The following UBR2 variants were observed in gnomAD, a reference collection of about 807,000 sequenced individuals.
UBR2 encodes the protein E3 ubiquitin-protein ligase UBR2.
A neutral mutation model predicts 247.9 loss-of-function variants in UBR2; 92 were observed. The observed-to-expected ratio is 0.37, with a 90% CI of 0.31 to 0.44. The LOEUF is 0.44. Among genes scored for constraint, UBR2 ranks in the 20% least tolerant of loss-of-function variants. UBR2 has a pLI of 1.00. For missense variants in UBR2, 1,613 were observed against 2,112.6 expected (o/e 0.76, Z 4.64); for synonymous variants, 672 against 693.5 (o/e 0.97, Z 0.49).
At position 42,632,564 on chromosome 6, in the gene UBR2, A is replaced by G. The variant is rs770149016; in HGVS notation, c.1294A>G (p.Ile432Val). ...ACTTTGTTTTTAGGCTCGAATGCTC[A>G]TCACAGAAGAAAACTTAATGAGCAT... is the stretch of plus-strand genomic sequence containing the variant. ...FTVPSLARML[I>V]TEENLMSIII... The change falls in exon 12 of 47, where the codon ATC becomes GTC. Residue 432 changes from isoleucine to valine, a missense_variant. By Grantham distance (29) the Ile-to-Val change is conservative. Coordinates refer to ENST00000372901, the MANE Select transcript of UBR2 (RefSeq NM_001363705.2). 1.4e-5 allele frequency: 22 copies of G among 1,606,138 alleles called. No homozygotes were observed. The highest frequency in any genetic ancestry group is 2.7e-5 in the African/African-American group (2 of 74,450).
Position 42,682,764 on chromosome 6 carries a change from T to G in UBR2, c.4719-291T>G, listed in dbSNP as rs991411660. Among the ~76,000 whole-genome samples, 6 of 152,196 alleles carry G rather than the reference T, an allele frequency of 3.9e-5. No homozygotes were observed. In the South Asian group the frequency reaches 8.3e-4, roughly 21 times the overall value. ...TGTTCTAGCTCCAGATAATGTTAGCTTGGCATTAATACAAATTAATATAGA... is the reference window on the plus strand; with the variant it reads ...TGTTCTAGCTCCAGATAATGTTAGCGTGGCATTAATACAAATTAATATAGA... On this transcript the variant is annotated intron_variant, in intron 42 of 46. Transcript: ENST00000372901.
At chr6:42,582,959 C>T (rs1350445578) in intron 2 of UBR2, among the ~76,000 whole-genome samples, 1 of 151,976 alleles carries the variant, frequency 6.6e-6, no homozygotes, top group Non-Finnish European at 1.5e-5. Context: ...TCCAGCTTCT[C>T]TTGTGAAGTT....
At chr6:42,650,461 GC>G in intron 23 of UBR2, 75 bp downstream of exon 23, 2 of 1,289,442 alleles carry the variant, frequency 1.6e-6, no homozygotes, top group Non-Finnish European at 1.1e-6. Context: ...TCACCATGTT[GC>G]CCAGGCTAGA....
At chr6:42,613,655 C>T (rs550216334) in intron 8 of UBR2, among the ~76,000 whole-genome samples, 11 of 152,056 alleles carry the variant, frequency 7.2e-5, no homozygotes, top group Admixed American at 6.5e-4. Flanking sequence ...TACCTGCATG[C>T]CAAGTGTTGT....
intron 11 of UBR2, among the ~76,000 whole-genome samples, chr6:42,629,701 A>G (rs1795581173): frequency 1.3e-5 from 2 of 152,146 alleles, no homozygotes; most frequent in Admixed American, 1.3e-4. Context: ...AAGTACAAGA[A>G]ATATATACCA....
intron 25 of UBR2, 21 bp downstream of exon 25, chr6:42,652,666 T>C: frequency 1.3e-6 from 2 of 1,592,976 alleles, no homozygotes; most frequent in Non-Finnish European, 1.7e-6. Context: ...AGACATTTAT[T>C]ATTTATATTT....
rs557598283 is a variant in UBR2 at position 42,630,764 on chromosome 6, T to G, written c.1282-1788T>G. ...TATATTAGAATACAGTTTTAATATA[T>G]TCTTAGACTTCTGTCTTCTGCATTT... On this transcript the variant is annotated intron_variant, in intron 11 of 46. Coordinates refer to ENST00000372901, the MANE Select transcript of UBR2 (RefSeq NM_001363705.2). Among the ~76,000 whole-genome samples the G allele has an allele frequency of 3.9e-5, 6 of 152,316 alleles. No homozygotes were observed. In the South Asian group the frequency reaches 1.2e-3, roughly 32 times the overall value.
intron 38 of UBR2, among the ~76,000 whole-genome samples, chr6:42,675,395 A>G (rs1798663801): frequency 6.6e-6 from 1 of 152,220 alleles, no homozygotes; most frequent in Admixed American, 6.5e-5. Flanking sequence ...AGGAGGAGGT[A>G]GGATTCATAT....
intron 21 of UBR2, among the ~76,000 whole-genome samples, chr6:42,647,888 A>C (rs774221745): frequency 1.3e-5 from 2 of 152,164 alleles, no homozygotes; most frequent in Non-Finnish European, 2.9e-5. Flanking sequence ...AGTTTTATCT[A>C]TTTTATGTAT....
intron 20 of UBR2, among the ~76,000 whole-genome samples, 181 bp downstream of exon 20, chr6:42,644,717 C>G (rs1469457869): frequency 6.6e-6 from 1 of 151,966 alleles, no homozygotes; most frequent in East Asian, 1.9e-4. Flanking sequence ...GTAATAGCAC[C>G]GTGGTGCTTT....
chr6:42,570,775 C>T (rs1791073309), intron 1 of UBR2, among the ~76,000 whole-genome samples: 1 of 151,884 alleles, frequency 6.6e-6, no homozygotes, highest in Non-Finnish European at 1.5e-5. Context: ...CCTCAACCTC[C>T]GGGGCTCAGG....
intron 17 of UBR2, 84 bp downstream of exon 17, chr6:42,641,776 T>A: frequency 9.4e-7 from 1 of 1,062,898 alleles, no homozygotes; most frequent in Non-Finnish European, 1.4e-6. Flanking sequence ...ACTTAGTCAG[T>A]GAAAGCTGAG....
chr6:42,674,982 G>C (rs1798639818), intron 38 of UBR2, among the ~76,000 whole-genome samples: 1 of 152,100 alleles, frequency 6.6e-6, no homozygotes. Flanking sequence ...CCTCAACTGG[G>C]TTCCCTTGCA....
chr6:42,601,906 G>GCACA lies in UBR2; in HGVS notation c.532-1682_532-1681insCACA, dbSNP rs755803239. Among the ~76,000 whole-genome samples, 164 of 68,150 alleles carry GCACA rather than the reference G, an allele frequency of 2.4e-3. 2 individuals are homozygous for GCACA. The highest frequency in any genetic ancestry group is 0.011 in the Middle Eastern group (1 of 88). The allele number at this position is 68,150 out of a possible 152,430, so 44.7% of individuals were successfully genotyped here. A position where few individuals can be genotyped will look rare whatever the true frequency, so the allele number is the denominator to read the frequency against. The stretch of plus-strand genomic sequence containing the variant: ...TTTTTTTTTGATGGAGTTTTGCTCT[G>GCACA]TTGCCCAGGCTGGAGTACAGTGGCA... On this transcript the variant is annotated intron_variant, in intron 4 of 46. Transcript: ENST00000372901.
intron 44 of UBR2, 128 bp downstream of exon 44, chr6:42,684,999 A>G: frequency 1.4e-6 from 1 of 714,014 alleles, no homozygotes; most frequent in Non-Finnish European, 2.2e-6. Context: ...TTATGAGAGG[A>G]GAGGGAGAAA....
At chr6:42,585,665 T>A (rs1792204767) in intron 2 of UBR2, among the ~76,000 whole-genome samples, 2 of 152,194 alleles carry the variant, frequency 1.3e-5, no homozygotes, top group Non-Finnish European at 1.5e-5. Flanking sequence ...GTTTTGGCAC[T>A]ATATATTTTT....
At chr6:42,572,079 ACC>A (rs1791184114) in intron 1 of UBR2, among the ~76,000 whole-genome samples, 1 of 151,938 alleles carries the variant, frequency 6.6e-6, no homozygotes, top group Non-Finnish European at 1.5e-5. Flanking sequence ...TTTTTCCCTA[ACC>A]ACTTGGCCAC....
chr6:42,678,737 C>A (rs1562395474), intron 41 of UBR2, 68 bp downstream of exon 41: 7 of 1,519,928 alleles, frequency 4.6e-6, no homozygotes, highest in Non-Finnish European at 6.2e-6. Context: ...ATATAAAGAT[C>A]ACTTGCAAAA....
At position 42,646,840 on chromosome 6, in the gene UBR2, G is replaced by T. The variant is rs865792338; in HGVS notation, c.2409+1250G>T. 4.5e-3 allele frequency among the ~76,000 whole-genome samples: 672 copies of T among 149,642 alleles called. 4 individuals carry two copies. The highest frequency in any genetic ancestry group is 0.016 in the African/African-American group (630 of 39,488). Reference sequence around the variant, plus strand: ...ATATATAGAGAGAGAGAGAGAGAGAGAGATAGAGTCTGGCTTGGTCACCCA... The same window carrying T: ...ATATATAGAGAGAGAGAGAGAGAGATAGATAGAGTCTGGCTTGGTCACCCA... On this transcript the variant is annotated intron_variant, in intron 21 of 46. Coordinates refer to ENST00000372901, the MANE Select transcript of UBR2 (RefSeq NM_001363705.2).
Sources: gnomAD v4.1 joint callset for allele counts (sites outside exome capture counted in the v4.1 genomes callset) on GRCh38, gnomAD v4.1.1 for gene constraint, MANE v1.5 for transcripts, NCBI Gene and HGNC (gene_info 2026-07-23, HGNC 2026-07-21) for gene names.